NEBL: variants seen among roughly 807,000 people sequenced by gnomAD.
NEBL encodes nebulette, also known as LIM and SH3 protein 2.
In NEBL, 122 loss-of-function variants were observed where a neutral mutation model predicts 140.2. The ratio of observed to expected loss-of-function variants is 0.87; its 90% CI spans 0.75 to 1.01. The LOEUF (loss-of-function observed/expected upper bound fraction) is 1.01. Among genes scored for constraint, NEBL ranks in the 50% least tolerant of loss-of-function variants. NEBL has a pLI of 0.00. For missense variants in NEBL, 1,365 were observed against 1,231.3 expected, an observed-to-expected ratio of 1.11 and a Z score of -1.62; for synonymous variants, 436 against 398.9, an observed-to-expected ratio of 1.09 and a Z score of -1.11.
intron 1 of NEBL, among the ~76,000 whole-genome samples, chr10:21,280,929 T>G (rs190563769): frequency 6.6e-6 from 1 of 152,282 alleles, no homozygotes; most frequent in East Asian, 1.9e-4. Flanking sequence ...ATTGTAGATT[T>G]TTTAAGGTGA....
rs180695607 is a variant in NEBL, at chr10:21,150,812, T to A, written c.164+21571A>T. Among the ~76,000 whole-genome samples the A allele has an allele frequency of 2.0e-5, 3 of 152,294 alleles. No individual in the cohort carries two copies. In the East Asian group the frequency reaches 5.8e-4, roughly 29 times the overall value. The stretch of plus-strand genomic sequence containing the variant: ...TGAAAACTTTCTTCAGATGTTTTCC[T>A]AGGTGTCCAAATTGTACAAGAAAAT... On this transcript the variant is annotated intron_variant, in intron 2 of 6. Transcript: ENST00000417816.
chr10:20,902,944 T>A (rs1378943873), intron 4 of NEBL, among the ~76,000 whole-genome samples: 1 of 152,188 alleles, frequency 6.6e-6, no homozygotes, highest in African/African-American at 2.4e-5. Flanking sequence ...TACTGAGTGT[T>A]CCCTTCAGGA....
intron 10 of NEBL, among the ~76,000 whole-genome samples, chr10:20,850,875 AT>A: frequency 6.6e-6 from 1 of 152,204 alleles, no homozygotes; most frequent in Non-Finnish European, 1.5e-5. Context: ...TTGAGGTTGC[AT>A]TGATGTCTAT....
intron 7 of NEBL, among the ~76,000 whole-genome samples, chr10:20,863,926 G>A (rs531465252): frequency 9.2e-5 from 14 of 152,302 alleles, no homozygotes; most frequent in African/African-American, 3.4e-4. Flanking sequence ...GATGAGGTTG[G>A]AGGAGGGAGT....
chr10:20,858,110 T>G, intron 9 of NEBL, 130 bp downstream of exon 9: 12 of 735,046 alleles, frequency 1.6e-5, no homozygotes, highest in East Asian at 2.7e-5. Context: ...TGTTTTTCAA[T>G]GAGTTAGTTA....
intron 1 of NEBL, among the ~76,000 whole-genome samples, chr10:21,280,673 T>A (rs1201940016): frequency 8.2e-6 from 1 of 122,552 alleles, no homozygotes; most frequent in Non-Finnish European, 1.6e-5. Flanking sequence ...AGTGGTGCAA[T>A]CCTAGCTCAC....
At chr10:21,043,538 G>A (rs1053148546) in intron 2 of NEBL, among the ~76,000 whole-genome samples, 1 of 152,096 alleles carries the variant, frequency 6.6e-6, no homozygotes, top group Non-Finnish European at 1.5e-5. Context: ...ACTCAATTTT[G>A]TGCATACAGA....
At chr10:20,790,190 T>C (rs1286768866) in intron 26 of NEBL, among the ~76,000 whole-genome samples, 1 of 152,152 alleles carries the variant, frequency 6.6e-6, no homozygotes, top group East Asian at 1.9e-4. Context: ...CATGCCTTTA[T>C]TGATTATTCT....
At chr10:21,019,589 T>A (rs1043797890) in intron 3 of NEBL, among the ~76,000 whole-genome samples, 1 of 152,234 alleles carries the variant, frequency 6.6e-6, no homozygotes, top group Admixed American at 6.5e-5. Flanking sequence ...GAAGGCAAGT[T>A]GCCATCTAAC....
chr10:21,062,304 T>C (rs1421034611), intron 2 of NEBL, among the ~76,000 whole-genome samples: 1 of 151,558 alleles, frequency 6.6e-6, no homozygotes, highest in Non-Finnish European at 1.5e-5. Context: ...AAAAAAACAA[T>C]GAGGTAGAAA....
At chr10:20,795,648 C>T (rs914663201) in intron 26 of NEBL, among the ~76,000 whole-genome samples, 2 of 152,056 alleles carry the variant, frequency 1.3e-5, no homozygotes, top group African/African-American at 4.8e-5. Flanking sequence ...TATTTAGTCG[C>T]CTTATCTTGT....
intron 1 of NEBL, among the ~76,000 whole-genome samples, chr10:21,268,680 T>C (rs1231196893): frequency 6.6e-6 from 1 of 151,932 alleles, no homozygotes; most frequent in East Asian, 1.9e-4. Flanking sequence ...CGTGCCACCA[T>C]GTCTGGTTAA....
chr10:20,999,968 A>G (rs1236036516), intron 3 of NEBL, among the ~76,000 whole-genome samples: 1 of 152,062 alleles, frequency 6.6e-6, no homozygotes, highest in African/African-American at 2.4e-5. Flanking sequence ...AGACGACGCC[A>G]GTAAGTGATT....
chr10:21,152,786 G>A (rs192679627), intron 2 of NEBL, among the ~76,000 whole-genome samples: 26 of 152,248 alleles, frequency 1.7e-4, no homozygotes, highest in Non-Finnish European at 2.9e-4. Flanking sequence ...AATGAGTCAA[G>A]CTGTAGTCCA....
At chr10:21,279,471 A>G (rs1351919131) in intron 1 of NEBL, among the ~76,000 whole-genome samples, 1 of 151,754 alleles carries the variant, frequency 6.6e-6, no homozygotes, top group East Asian at 1.9e-4. Context: ...TTGTTTCAAC[A>G]CTTTAAAAAT....
chr10:21,051,754 T>C (rs968481557), intron 2 of NEBL, among the ~76,000 whole-genome samples: 4 of 152,242 alleles, frequency 2.6e-5, no homozygotes, highest in African/African-American at 9.6e-5. Context: ...CTATATGTTA[T>C]CTACAGGAGA....
In NEBL at chr10:20,807,662, C is replaced by G. The variant is rs191348009; in HGVS notation, c.2761+848G>C. 4.0e-3 allele frequency among the ~76,000 whole-genome samples: 597 copies of G among 149,844 alleles called. 6 individuals are homozygous for G. The highest frequency in any genetic ancestry group is 0.014 in the African/African-American group (571 of 39,666). ...ACCAAGGTGTTAAGTTGCTCAACCT[C>G]AAAATTTCCTACCTTTGGGATTTCA... On this transcript the variant is annotated intron_variant, in intron 26 of 27. Transcript: ENST00000377122.
At position 21,139,558 on chromosome 10, in the gene NEBL, T is replaced by G. The variant is rs149773584; in HGVS notation, c.164+32825A>C. Among the ~76,000 whole-genome samples the G allele has an allele frequency of 2.0e-5, 3 of 152,268 alleles. No homozygotes were observed. In the East Asian group the frequency reaches 5.8e-4, roughly 29 times the overall value. On this transcript the variant is annotated intron_variant, in intron 2 of 6. Coordinates refer to the NEBL transcript ENST00000417816. ...TATGAGGTTTAGCCTCATGTTGTCA[T>G]AGCAATGATGAAATGGATTTATCTG...
At chr10:21,140,418 G>T (rs1839576920) in intron 2 of NEBL, among the ~76,000 whole-genome samples, 2 of 152,102 alleles carry the variant, frequency 1.3e-5, no homozygotes, top group Admixed American at 6.6e-5. Context: ...GCTTTATCAG[G>T]CATTTAAAGT....
Sources: allele counts gnomAD v4.1 joint callset (sites outside exome capture counted in the v4.1 genomes callset), GRCh38; gene constraint gnomAD v4.1.1; transcripts MANE v1.5; gene names NCBI Gene and HGNC (gene_info 2026-07-23, HGNC 2026-07-21).